PDE4B: variants seen among roughly 807,000 people sequenced by gnomAD.
The protein encoded by PDE4B is phosphodiesterase 4B.
In PDE4B, 20 loss-of-function variants were observed where a neutral mutation model predicts 82.2. The observed-to-expected ratio is 0.24, with a 90% CI of 0.17 to 0.35. The LOEUF (loss-of-function observed/expected upper bound fraction) is 0.35. Among genes scored for constraint, PDE4B ranks in the 10% least tolerant of loss-of-function variants. The pLI, the probability that PDE4B is intolerant of heterozygous loss-of-function variation, is 1.00. For missense variants in PDE4B, 655 were observed against 907.2 expected, an observed-to-expected ratio of 0.72 and a Z score of 3.57; for synonymous variants, 320 against 318.9, an observed-to-expected ratio of 1.00 and a Z score of -0.04.
chr1:66,269,780 G>T (rs528665163), intron 7 of PDE4B, among the ~76,000 whole-genome samples: 1 of 152,182 alleles, frequency 6.6e-6, no homozygotes, highest in Non-Finnish European at 1.5e-5. Flanking sequence ...TCAAGTGTTC[G>T]CTGTCTTTAC....
intron 3 of PDE4B, among the ~76,000 whole-genome samples, chr1:66,108,109 A>C (rs1182466718): frequency 1.3e-5 from 2 of 151,896 alleles, no homozygotes; most frequent in African/African-American, 4.8e-5. Flanking sequence ...TTTCAAGTAC[A>C]CAATACATTG....
chr1:66,245,539 C>T (rs1363919274), intron 3 of PDE4B, among the ~76,000 whole-genome samples: 2 of 152,182 alleles, frequency 1.3e-5, no homozygotes, highest in East Asian at 3.9e-4. Context: ...GGGAAGTTTG[C>T]AAGTCGCTTT....
intron 3 of PDE4B, among the ~76,000 whole-genome samples, chr1:65,976,642 G>A (rs2100641117): frequency 6.6e-6 from 1 of 152,192 alleles, no homozygotes. Flanking sequence ...TTAGATTATG[G>A]GGGCAGATTT....
intron 3 of PDE4B, chr1:66,048,683 G>A (rs749911217): frequency 4.6e-5 from 7 of 151,946 alleles, no homozygotes; most frequent in Non-Finnish European, 7.4e-5. Flanking sequence ...TCAAGGAGCA[G>A]TGGAGATGCT....
chr1:65,957,111 A>G (rs1019357679), intron 3 of PDE4B, among the ~76,000 whole-genome samples: 1 of 143,996 alleles, frequency 6.9e-6, no homozygotes, highest in African/African-American at 2.6e-5. Flanking sequence ...GCATTTTTAC[A>G]TTTATGTAAA....
intron 3 of PDE4B, among the ~76,000 whole-genome samples, chr1:66,134,664 A>T (rs892516315): frequency 2.6e-5 from 4 of 152,238 alleles, no homozygotes; most frequent in African/African-American, 9.6e-5. Flanking sequence ...TTTTAAAGAG[A>T]GAAGTGAAAA....
intron 3 of PDE4B, among the ~76,000 whole-genome samples, chr1:66,128,556 G>C (rs967917782): frequency 1.3e-5 from 2 of 152,110 alleles, no homozygotes; most frequent in South Asian, 4.1e-4. Flanking sequence ...CACCTTGAAG[G>C]CTTCATTCTT....
At chr1:66,192,457 C>G (rs544328916) in intron 3 of PDE4B, among the ~76,000 whole-genome samples, 1 of 152,210 alleles carries the variant, frequency 6.6e-6, no homozygotes, top group Admixed American at 6.5e-5. Context: ...ACTGTACTGT[C>G]CTTACTGTTT....
At chr1:66,275,241 C>T (rs1557673339) in intron 7 of PDE4B, among the ~76,000 whole-genome samples, 1 of 152,204 alleles carries the variant, frequency 6.6e-6, no homozygotes, top group Non-Finnish European at 1.5e-5. Flanking sequence ...ATCATTACAG[C>T]TTGTACAGCA....
chr1:66,365,774 CA>C lies in PDE4B; in HGVS notation c.1384+9del. 6.7e-7 allele frequency: 1 copy of C among 1,500,108 alleles called. No individual in the cohort carries two copies. Among genetic ancestry groups the C allele is most frequent in the Non-Finnish European group, 9.2e-7 (1 of 1,081,900 alleles). The allele number at this position is 1,500,108 out of a possible 1,614,324, so 92.9% of individuals were successfully genotyped here. On this transcript the variant is annotated intron_variant, in intron 13 of 16. Coordinates refer to ENST00000341517, the MANE Select transcript of PDE4B (RefSeq NM_002600.4). The stretch of plus-strand genomic sequence containing the variant: ...AGTTTCTCATCAACACAAGTGAGTT[CA>C]CCACTACAGCAGTCATTCCAGATAA...
intron 3 of PDE4B, among the ~76,000 whole-genome samples, chr1:66,235,741 T>G (rs1478777138): frequency 6.6e-6 from 1 of 152,206 alleles, no homozygotes; most frequent in Non-Finnish European, 1.5e-5. Flanking sequence ...TGTTGCTATT[T>G]GTTTTCTATT....
chr1:65,977,959 C>G (rs1020281335), intron 3 of PDE4B, among the ~76,000 whole-genome samples: 3 of 151,742 alleles, frequency 2.0e-5, no homozygotes, highest in African/African-American at 7.3e-5. Context: ...GTATACTATT[C>G]AAATATTTGT....
chr1:66,239,519 G>GA (rs1386086598), intron 3 of PDE4B, among the ~76,000 whole-genome samples: 1 of 152,116 alleles, frequency 6.6e-6, no homozygotes, highest in African/African-American at 2.4e-5. Context: ...AAAACATAAA[G>GA]AAAGACATAC....
chr1:65,804,467 T>A (rs537560223), intron 1 of PDE4B, among the ~76,000 whole-genome samples: 18 of 152,304 alleles, frequency 1.2e-4, no homozygotes, highest in African/African-American at 4.3e-4. Context: ...CTTGTTTAAT[T>A]GTCTTGGCTG....
At chr1:65,891,042 C>T (rs1256801668) in intron 1 of PDE4B, among the ~76,000 whole-genome samples, 2 of 151,944 alleles carry the variant, frequency 1.3e-5, no homozygotes, top group African/African-American at 2.4e-5. Flanking sequence ...TATAATAGTA[C>T]CAGATGAAAA....
chr1:66,146,826 G>C (rs577414610), intron 3 of PDE4B, among the ~76,000 whole-genome samples: 1 of 152,244 alleles, frequency 6.6e-6, no homozygotes, highest in East Asian at 1.9e-4. Flanking sequence ...GTACCGTAGA[G>C]GAAAATTAGT....
chr1:66,372,078 A>C (rs1007150196), intron 16 of PDE4B, among the ~76,000 whole-genome samples: 3 of 152,206 alleles, frequency 2.0e-5, no homozygotes, highest in Non-Finnish European at 4.4e-5. Flanking sequence ...AATAAGTCGT[A>C]GTTTCTGCCT....
In PDE4B at chr1:65,869,795, GTT is replaced by G. The variant is rs11320288; in HGVS notation, c.-70-43435_-70-43434del. On this transcript the variant is annotated intron_variant, in intron 1 of 16. Coordinates refer to ENST00000341517, the MANE Select transcript of PDE4B (RefSeq NM_002600.4). ...TGCACTTATTACTTGGCTATACCATGTTTTTTTTTTTTTTTTAAATGGCACTT... is the reference window on the plus strand; with the variant it reads ...TGCACTTATTACTTGGCTATACCATGTTTTTTTTTTTTTTAAATGGCACTT... 9.8e-3 allele frequency among the ~76,000 whole-genome samples: 1,423 copies of G among 144,616 alleles called. 18 individuals are homozygous for G. Among genetic ancestry groups the G allele is most frequent in the African/African-American group, 0.024 (948 of 39,732 alleles). 94.9% of individuals were successfully genotyped at this position (144,616 alleles called of 152,430 possible).
At chr1:65,833,814 CACAG>C (rs1204804770) in intron 1 of PDE4B, among the ~76,000 whole-genome samples, 1 of 152,112 alleles carries the variant, frequency 6.6e-6, no homozygotes, top group African/African-American at 2.4e-5. Context: ...AGTTGTTAAG[CACAG>C]ACATTGTTAA....
Sources: gnomAD v4.1 joint callset for allele counts (sites outside exome capture counted in the v4.1 genomes callset) on GRCh38, gnomAD v4.1.1 for gene constraint, MANE v1.5 for transcripts, NCBI Gene and HGNC (gene_info 2026-07-23, HGNC 2026-07-21) for gene names.